The following CDKN2B-AS1 variants were observed in gnomAD, a reference collection of about 807,000 sequenced individuals.
CDKN2B-AS1 encodes the protein CDKN2B antisense RNA 1 (non-protein coding).
At chr9:22,087,406 A>T (rs1432280953) in intron 4 of CDKN2B-AS1, among the ~76,000 whole-genome samples, 3 of 152,304 alleles carry the variant, frequency 2.0e-5, no homozygotes, top group East Asian at 3.9e-4. Flanking sequence ...TGAACCATTG[A>T]CTGAATCTAC....
chr9:22,066,573 G>A (rs28557075), intron 4 of CDKN2B-AS1, among the ~76,000 whole-genome samples: 21,764 of 151,656 alleles, frequency 0.14, 2,013 homozygotes, highest in Admixed American at 0.26. Context: ...AGACCCAATG[G>A]TAACTCTATG....
intron 1 of CDKN2B-AS1, among the ~76,000 whole-genome samples, chr9:22,014,409 C>T (rs1286251412): frequency 6.6e-6 from 1 of 152,124 alleles, no homozygotes; most frequent in Non-Finnish European, 1.5e-5. Flanking sequence ...CTAAGCTCCT[C>T]CTGCTTCAGC....
At chr9:22,008,642 G>T in intron 1 of CDKN2B-AS1, 1 of 1,592,754 alleles carries the variant, frequency 6.3e-7, no homozygotes, top group South Asian at 1.1e-5. Flanking sequence ...ATTTTTGCTG[G>T]GTAAAAGCCT....
intron 4 of CDKN2B-AS1, among the ~76,000 whole-genome samples, chr9:22,063,404 G>T (rs1049241609): frequency 6.6e-6 from 1 of 152,050 alleles, no homozygotes; most frequent in African/African-American, 2.4e-5. Context: ...GGTGTTGGTG[G>T]GATTCCTTAA....
At chr9:22,095,365 G>A (rs1358848269) in intron 4 of CDKN2B-AS1, among the ~76,000 whole-genome samples, 1 of 144,760 alleles carries the variant, frequency 6.9e-6, no homozygotes, top group Non-Finnish European at 1.5e-5. Flanking sequence ...TAGTCATTCA[G>A]GAGTGGGTAG....
At chr9:22,076,436 CTATT>C (rs1354484269) in intron 4 of CDKN2B-AS1, among the ~76,000 whole-genome samples, 1 of 152,000 alleles carries the variant, frequency 6.6e-6, no homozygotes, top group Non-Finnish European at 1.5e-5. Flanking sequence ...AAATATATAA[CTATT>C]TATTTTTAAT....
intron 4 of CDKN2B-AS1, among the ~76,000 whole-genome samples, chr9:22,117,372 A>G (rs754101648): frequency 5.3e-5 from 8 of 152,180 alleles, no homozygotes; most frequent in Non-Finnish European, 7.4e-5. Flanking sequence ...TTGATATGAC[A>G]ACCCCTCCTC....
At chr9:22,124,402 G>A (rs913884662) in intron 4 of CDKN2B-AS1, among the ~76,000 whole-genome samples, 1 of 152,174 alleles carries the variant, frequency 6.6e-6, no homozygotes, top group African/African-American at 2.4e-5. Context: ...GTGACAAAGA[G>A]GACAGTTAAG....
rs187493910 is a variant in CDKN2B-AS1 at position 22,127,749 on chromosome 9, C to A, written n.1085C>A. ...TACTAGAAGGGAAAGATTGTGGATT[C>A]ATTGATGAGATGTTGAACCATGAAA... On this transcript the variant is annotated non_coding_transcript_exon_variant, in exon 5 of 5. Transcript: ENST00000650946. 1.4e-4 allele frequency among the ~76,000 whole-genome samples: 21 copies of A among 152,240 alleles called. No homozygotes were observed. In the East Asian group the frequency reaches 2.9e-3, roughly 21 times the overall value.
chr9:22,080,217 A>C (rs192677986), intron 4 of CDKN2B-AS1, among the ~76,000 whole-genome samples: 2 of 152,228 alleles, frequency 1.3e-5, no homozygotes, highest in African/African-American at 4.8e-5. Flanking sequence ...GTTTTCCCCA[A>C]GCTGTTTGGT....
chr9:22,051,781 T>C (rs551195246), intron 3 of CDKN2B-AS1, among the ~76,000 whole-genome samples: 1 of 152,262 alleles, frequency 6.6e-6, no homozygotes, highest in Non-Finnish European at 1.5e-5. Flanking sequence ...TGCTTCTAGG[T>C]ATATTATACT....
At chr9:22,018,396 G>T (rs375572753) in intron 1 of CDKN2B-AS1, among the ~76,000 whole-genome samples, 2 of 151,798 alleles carry the variant, frequency 1.3e-5, no homozygotes, top group East Asian at 1.9e-4. Flanking sequence ...GGTGGCTCAC[G>T]CCTGTAATCC....
intron 2 of CDKN2B-AS1, among the ~76,000 whole-genome samples, chr9:22,047,693 A>C (rs1341388524): frequency 1.3e-5 from 2 of 152,188 alleles, no homozygotes; most frequent in Non-Finnish European, 2.9e-5. Context: ...AGACTATAGA[A>C]CCAAATAACT....
chr9:22,021,716 A>G (rs1587413662), intron 1 of CDKN2B-AS1, among the ~76,000 whole-genome samples: 1 of 152,138 alleles, frequency 6.6e-6, no homozygotes, highest in Non-Finnish European at 1.5e-5. Flanking sequence ...TCTTCTAGAT[A>G]TAAGATCATG....
rs1366345148 is a variant in CDKN2B-AS1, at chr9:21,995,581, T to G, written n.29+420T>G. 2 of 152,612 alleles carry G rather than the reference T, an allele frequency of 1.3e-5. No homozygotes were observed. Among genetic ancestry groups the G allele is most frequent in the African/African-American group, 2.4e-5 (1 of 41,454 alleles). The allele number at this position is 152,612 out of a possible 1,614,324, so 9.5% of individuals were successfully genotyped here. On this transcript the variant is annotated intron_variant and non_coding_transcript_variant, in intron 1 of 4. Transcript: ENST00000650946. The surrounding 1 kb of genome is among the most constrained non-coding windows in gnomAD (Gnocchi z 5.7). Reference sequence around the variant, plus strand: ...TCCACATCACCGATCCTTTCTGGACTCTCTCCCTTCCTCCTTTCCAGCTGG... The same window carrying G: ...TCCACATCACCGATCCTTTCTGGACGCTCTCCCTTCCTCCTTTCCAGCTGG...
intron 1 of CDKN2B-AS1, among the ~76,000 whole-genome samples, chr9:22,034,068 T>C (rs887368071): frequency 2.0e-5 from 3 of 152,202 alleles, no homozygotes; most frequent in African/African-American, 7.2e-5. Flanking sequence ...AATGAATATA[T>C]GAAAGATGGT....
At chr9:22,108,589 T>C in intron 4 of CDKN2B-AS1, among the ~76,000 whole-genome samples, 1 of 152,342 alleles carries the variant, frequency 6.6e-6, no homozygotes, top group East Asian at 1.9e-4. Flanking sequence ...GGAGGCTTAA[T>C]CTTGGCTTTG....
intron 4 of CDKN2B-AS1, among the ~76,000 whole-genome samples, chr9:22,066,717 TAG>T (rs1275411698): frequency 6.6e-6 from 1 of 151,994 alleles, no homozygotes; most frequent in Non-Finnish European, 1.5e-5. Context: ...AATTTTAGCA[TAG>T]AGTTACCATC....
At chr9:22,096,004 C>G (rs1340890884) in intron 4 of CDKN2B-AS1, among the ~76,000 whole-genome samples, 1 of 151,958 alleles carries the variant, frequency 6.6e-6, no homozygotes, top group Non-Finnish European at 1.5e-5. Flanking sequence ...ATGGGAGGTA[C>G]TGGTATTACA....
Sources: gnomAD v4.1 joint callset for allele counts (sites outside exome capture counted in the v4.1 genomes callset) on GRCh38, gnomAD v4.1.1 for gene constraint, Gnocchi (gnomAD v3.1) non-coding constraint, MANE v1.5 for transcripts, NCBI Gene and HGNC (gene_info 2026-07-23, HGNC 2026-07-21) for gene names.